Variants in HTT observed in about 807,000 individuals in gnomAD.
HTT encodes the protein huntingtin, also known as huntington disease protein.
A neutral mutation model predicts 362.3 loss-of-function variants in HTT; 104 were observed. The observed-to-expected ratio is 0.29, with a 90% confidence interval of 0.24 to 0.34. The LOEUF is 0.34. HTT is among the 10% of genes least tolerant of loss of function. HTT has a pLI of 1.00. For synonymous variants in HTT, 1,577 were observed against 1,548.7 expected (o/e 1.02, Z -0.43); for missense variants, 3,301 against 3,928.6 (o/e 0.84, Z 4.27).
chr4:3,185,020 G>A (rs1403038480), intron 37 of HTT, among the ~76,000 whole-genome samples: 1 of 152,174 alleles, frequency 6.6e-6, no homozygotes, highest in African/African-American at 2.4e-5. Flanking sequence ...GCAGCACCGA[G>A]GGCACTGATG....
At chr4:3,109,529 C>T (rs1392250468) in intron 6 of HTT, among the ~76,000 whole-genome samples, 1 of 152,118 alleles carries the variant, frequency 6.6e-6, no homozygotes, top group African/African-American at 2.4e-5. Context: ...CCAGCAACTT[C>T]CACATTTCTA....
At chr4:3,168,919 A>G (rs1467784259) in intron 29 of HTT, among the ~76,000 whole-genome samples, 1 of 151,116 alleles carries the variant, frequency 6.6e-6, no homozygotes, top group Admixed American at 6.6e-5. Flanking sequence ...TAGTTTTTTT[A>G]TATCTTGTGT....
chr4:3,152,244 G>A (rs920551333), intron 26 of HTT, among the ~76,000 whole-genome samples: 1 of 151,394 alleles, frequency 6.6e-6, no homozygotes, highest in African/African-American at 2.4e-5. Context: ...GATTACAGGC[G>A]CCTGCCACCA....
intron 65 of HTT, 92 bp downstream of exon 65, chr4:3,238,701 T>A: frequency 1.4e-6 from 2 of 1,467,632 alleles, no homozygotes; most frequent in Middle Eastern, 1.9e-4. Context: ...AGAGCCCAGC[T>A]CCTCCGCTTT....
At chr4:3,161,388 G>T (rs1200309073) in intron 29 of HTT, among the ~76,000 whole-genome samples, 3 of 152,280 alleles carry the variant, frequency 2.0e-5, no homozygotes, top group African/African-American at 7.2e-5. Flanking sequence ...ACATACATGT[G>T]CATGTGTCTT....
At chr4:3,098,125 A>T (rs541062925) in intron 2 of HTT, among the ~76,000 whole-genome samples, 2 of 152,340 alleles carry the variant, frequency 1.3e-5, no homozygotes, top group East Asian at 1.9e-4. Flanking sequence ...GTTTCTGTTG[A>T]CAGTACTGCT....
chr4:3,239,469 G>A (rs2110308269), intron 66 of HTT, among the ~76,000 whole-genome samples: 1 of 152,336 alleles, frequency 6.6e-6, no homozygotes, highest in East Asian at 1.9e-4. Flanking sequence ...GAGCCTCCAA[G>A]CAGCACAGTT....
chr4:3,136,354 CT>C (rs1560563882), intron 21 of HTT, 28 bp downstream of exon 21: 6 of 1,306,358 alleles, frequency 4.6e-6, no homozygotes, highest in South Asian at 1.2e-5. Context: ...ATCTCTTTTC[CT>C]TTTTTGGTTG....
intron 2 of HTT, among the ~76,000 whole-genome samples, chr4:3,094,617 C>T (rs1446435326): frequency 3.6e-5 from 5 of 137,488 alleles, no homozygotes; most frequent in Admixed American, 2.8e-4. Context: ...GGCGGCTGGC[C>T]GGGCGGGGGC....
intron 24 of HTT, 77 bp from the exon 25 acceptor site, chr4:3,146,720 G>T: frequency 1.5e-6 from 2 of 1,332,782 alleles, no homozygotes; most frequent in Non-Finnish European, 1.1e-6. Flanking sequence ...CCTTCCTCTT[G>T]GAATTGCAAG....
At chr4:3,112,947 T>C (rs1305697694) in intron 6 of HTT, 1 of 601,414 alleles carries the variant, frequency 1.7e-6, no homozygotes, top group East Asian at 1.4e-4. Context: ...TCCTGATGGG[T>C]GTTTTCTGGA....
chr4:3,182,517 T>A, intron 37 of HTT, 47 bp downstream of exon 37: 1 of 1,221,220 alleles, frequency 8.2e-7, no homozygotes, highest in Non-Finnish European at 1.2e-6. Flanking sequence ...GATGGTAGCT[T>A]AAGGTCCTTG....
chr4:3,177,216 T>A, intron 33 of HTT, 116 bp from the exon 34 acceptor site: 1 of 722,594 alleles, frequency 1.4e-6, no homozygotes, highest in Non-Finnish European at 2.4e-6. Flanking sequence ...ATAGTCAAAT[T>A]TATCAGCTGT....
At chr4:3,095,353 C>G (rs918553531) in intron 2 of HTT, among the ~76,000 whole-genome samples, 1 of 152,214 alleles carries the variant, frequency 6.6e-6, no homozygotes, top group Admixed American at 6.5e-5. Context: ...GGCGAAACCC[C>G]GTCTCCACCA....
chr4:3,143,030 T>C (rs1716422220), intron 23 of HTT, 144 bp downstream of exon 23: 1 of 609,330 alleles, frequency 1.6e-6, no homozygotes, highest in East Asian at 2.6e-5. Flanking sequence ...GAAATTGTGC[T>C]TCTGTGAAAA....
chr4:3,192,313 G>T (rs1298703814), intron 40 of HTT, among the ~76,000 whole-genome samples: 4 of 152,082 alleles, frequency 2.6e-5, no homozygotes, highest in African/African-American at 4.8e-5. Context: ...CTTAGCTTCA[G>T]GCGATCCTCC....
chr4:3,107,310 T>G lies in HTT; in HGVS notation c.634T>G (p.Cys212Gly). The G allele has an allele frequency of 6.2e-7, 1 of 1,614,236 alleles. No individual in the cohort carries two copies. Among genetic ancestry groups the G allele is most frequent in the Non-Finnish European group, 8.5e-7 (1 of 1,180,028 alleles). The change falls in exon 6 of 67, where the codon TGC becomes GGC. Residue 212 changes from cysteine to glycine, a missense_variant. Around this residue, in one of 4 missense-constraint regions of HTT, gnomAD observed 2,316 missense variants for 2,658.5 expected, o/e 0.87. Coordinates refer to ENST00000355072, the MANE Select transcript of HTT (RefSeq NM_001388492.1). ...CRPYLVNLLPCLTRTSKRPEE... is the reference protein window; with the variant it reads ...CRPYLVNLLPGLTRTSKRPEE... The stretch of plus-strand genomic sequence containing the variant: ...GCCTTACCTGGTGAACCTTCTGCCG[T>G]GCCTGACTCGAACAAGCAAGAGACC...
In HTT at chr4:3,083,530, T is replaced by TATATACAC. The variant is rs1165543364; in HGVS notation, c.264-3408_264-3407insTATACACA. On this transcript the variant is annotated intron_variant, in intron 1 of 66. Transcript: ENST00000355072. ...GAGAGTGAGACCCTGTCTCTAAATA[T>TATATACAC]ACACACACACACACACACACACACA... Among the ~76,000 whole-genome samples the TATATACAC allele has an allele frequency of 7.6e-4, 95 of 125,214 alleles. 1 individual carries two copies. Among genetic ancestry groups the TATATACAC allele is most frequent in the Admixed American group, 1.4e-3 (16 of 11,468 alleles). The allele number at this position is 125,214 out of a possible 152,430, so 82.1% of individuals were successfully genotyped here. A position where few individuals can be genotyped will look rare whatever the true frequency, so the allele number is the denominator to read the frequency against.
At chr4:3,190,886 T>A (rs1718983221) in intron 40 of HTT, among the ~76,000 whole-genome samples, 2 of 152,238 alleles carry the variant, frequency 1.3e-5, no homozygotes, top group South Asian at 4.1e-4. Context: ...GATAGGCACG[T>A]CTTTCTTCTC....
Sources: allele counts gnomAD v4.1 joint callset (sites outside exome capture counted in the v4.1 genomes callset), GRCh38; gene constraint gnomAD v4.1.1; regional missense constraint gnomAD v4.1.1; transcripts MANE v1.5; gene names NCBI Gene and HGNC (gene_info 2026-07-23, HGNC 2026-07-21).